Variants in WDR17 observed in about 807,000 individuals in gnomAD.
WDR17 encodes WD repeat-containing protein 17.
A neutral mutation model predicts 161.7 loss-of-function variants in WDR17; 143 were observed. The ratio of observed to expected loss-of-function variants is 0.88; its 90% CI spans 0.77 to 1.02. The LOEUF (loss-of-function observed/expected upper bound fraction) is 1.02. WDR17 is among the 50% of genes least tolerant of loss of function. The pLI is 0.00. For synonymous variants in WDR17, 517 were observed against 515.6 expected, an observed-to-expected ratio of 1.00 and a Z score of -0.04; for missense variants, 1,469 against 1,520.9, an observed-to-expected ratio of 0.97 and a Z score of 0.57.
rs1411180294 is a variant in WDR17, at chr4:176,151,664, T to C, written c.2305-148T>C. The stretch of plus-strand genomic sequence containing the variant: ...GAAATCAGGGTAATTGGGGTATCCA[T>C]CACCTCAAGCATTTATCTTTTTTTG... On this transcript the variant is annotated intron_variant, in intron 16 of 28. Coordinates refer to ENST00000508596, the MANE Select transcript of WDR17 (RefSeq NM_181265.4). 3 of 662,232 alleles carry C rather than the reference T, an allele frequency of 4.5e-6. No homozygotes were observed. The Admixed American group carries it at 1.1e-4, about 23-fold the overall frequency. The allele number at this position is 662,232 out of a possible 1,614,324, so 41.0% of individuals were successfully genotyped here.
chr4:176,084,527 G>C (rs1561075863), intron 1 of WDR17, among the ~76,000 whole-genome samples: 2 of 151,808 alleles, frequency 1.3e-5, no homozygotes, highest in African/African-American at 4.8e-5. Flanking sequence ...GTTTGAGGGA[G>C]GACAAACATC....
At chr4:176,120,285 G>GTT (rs1206814391) in intron 4 of WDR17, among the ~76,000 whole-genome samples, 188 bp downstream of exon 4, 2 of 87,044 alleles carry the variant, frequency 2.3e-5, no homozygotes, top group Non-Finnish European at 4.4e-5. Flanking sequence ...TTCATTTGAA[G>GTT]TTTTATATAT....
At chr4:176,113,292 T>C (rs1186471473) in intron 2 of WDR17, among the ~76,000 whole-genome samples, 2 of 152,078 alleles carry the variant, frequency 1.3e-5, no homozygotes, top group Admixed American at 1.3e-4. Flanking sequence ...AGTCAAACTA[T>C]TCTTCTGAGG....
chr4:176,091,125 G>A (rs1736067468), intron 1 of WDR17, among the ~76,000 whole-genome samples: 1 of 152,196 alleles, frequency 6.6e-6, no homozygotes. Context: ...TTTATGGCCA[G>A]ATTTGGGTGC....
intron 1 of WDR17, among the ~76,000 whole-genome samples, chr4:176,090,400 G>A (rs1003834514): frequency 3.9e-5 from 6 of 151,938 alleles, no homozygotes; most frequent in Admixed American, 3.9e-4. Flanking sequence ...GCAAATTCTG[G>A]TGTCATGCTT....
intron 22 of WDR17, chr4:176,166,295 C>T (rs1017867587): frequency 3.4e-6 from 1 of 297,638 alleles, no homozygotes; most frequent in Middle Eastern, 1.0e-3. Context: ...ATTTATAGCA[C>T]ATGAAACCTG....
intron 1 of WDR17, among the ~76,000 whole-genome samples, chr4:176,109,406 G>A (rs545698535): frequency 4.6e-5 from 7 of 152,200 alleles, no homozygotes; most frequent in Non-Finnish European, 1.0e-4. Flanking sequence ...AGACGAGGAG[G>A]AAAGTTTCTG....
chr4:176,157,101 T>C (rs1463529684), intron 18 of WDR17, among the ~76,000 whole-genome samples: 1 of 152,226 alleles, frequency 6.6e-6, no homozygotes, highest in African/African-American at 2.4e-5. Flanking sequence ...CATATTGTTT[T>C]GAGGGACACA....
intron 22 of WDR17, chr4:176,166,169 C>T: frequency 1.2e-6 from 1 of 862,308 alleles, no homozygotes; most frequent in Non-Finnish European, 1.7e-6. Context: ...TATTTAAGAA[C>T]ACATTCCTTT....
At chr4:176,106,966 GA>G (rs960815660) in intron 1 of WDR17, among the ~76,000 whole-genome samples, 34 of 151,846 alleles carry the variant, frequency 2.2e-4, no homozygotes, top group Non-Finnish European at 4.1e-4. Flanking sequence ...AAGAAGGAAA[GA>G]AAAACCCTAT....
In WDR17 at chr4:176,182,133, G is replaced by T. The variant is rs1465316155; in HGVS notation, c.*2554G>T. On this transcript the variant is annotated 3_prime_UTR_variant, in exon 29 of 29. Coordinates refer to ENST00000508596, the MANE Select transcript of WDR17 (RefSeq NM_181265.4). This position sits in a 1 kb window ranked among gnomAD's most constrained non-coding sequence, Gnocchi z 4.2. ...TGAATTTATTTTACTATTTGAAAAT[G>T]TTCATATTACCAATAATGTGGACAA... is the stretch of plus-strand genomic sequence containing the variant. 2 of 151,910 alleles carry T rather than the reference G, an allele frequency of 1.3e-5. No homozygotes were observed. Among genetic ancestry groups the T allele is most frequent in the Non-Finnish European group, 2.9e-5 (2 of 67,908 alleles). 9.4% of individuals were successfully genotyped at this position (151,910 alleles called of 1,614,324 possible).
At chr4:176,079,138 G>A (rs1165184840) in intron 1 of WDR17, among the ~76,000 whole-genome samples, 1 of 152,022 alleles carries the variant, frequency 6.6e-6, no homozygotes, top group African/African-American at 2.4e-5. Flanking sequence ...TTACCTTTCT[G>A]TTCTTGGCTT....
chr4:176,173,020 A>C (rs1750962185), intron 24 of WDR17, among the ~76,000 whole-genome samples: 1 of 152,192 alleles, frequency 6.6e-6, no homozygotes, highest in Non-Finnish European at 1.5e-5. Context: ...TCAATGATCA[A>C]CTTAAAATCA....
At chr4:176,100,129 C>G (rs1403259906) in intron 1 of WDR17, among the ~76,000 whole-genome samples, 1 of 152,070 alleles carries the variant, frequency 6.6e-6, no homozygotes, top group African/African-American at 2.4e-5. Flanking sequence ...CATATAATAG[C>G]TCTAATTTTA....
chr4:176,179,386 C>T lies in WDR17; in HGVS notation c.3733-74C>T, dbSNP rs563150581. The T allele has an allele frequency of 2.3e-6, 3 of 1,325,176 alleles. No homozygotes were observed. The South Asian group carries it at 7.0e-5, about 31-fold the overall frequency. 82.1% of individuals were successfully genotyped at this position (1,325,176 alleles called of 1,614,324 possible). A position where few individuals can be genotyped will look rare whatever the true frequency, so the allele number is the denominator to read the frequency against. ...TATGTTTTTTTTTATTGCAGTGATT[C>T]TCTTTCTGAAAGTTTAAAAATACTT... On this transcript the variant is annotated intron_variant, in intron 28 of 28. Transcript: ENST00000508596.
Position 176,179,869 on chromosome 4 carries a change from C to T in WDR17, c.*290C>T, listed in dbSNP as rs80255541. On this transcript the variant is annotated 3_prime_UTR_variant, in exon 29 of 29. Coordinates refer to ENST00000508596, the MANE Select transcript of WDR17 (RefSeq NM_181265.4). ...ATCTAAAAAGCATATAAAAGTTTCA[C>T]ACAGCATAAAAGATACCAAAATATC... 1,773 of 161,702 alleles carry T rather than the reference C, an allele frequency of 0.011. 17 individuals carry two copies. The highest frequency in any genetic ancestry group is 0.017 in the Non-Finnish European group (1,301 of 74,944). The allele number at this position is 161,702 out of a possible 1,614,324, so 10.0% of individuals were successfully genotyped here.
In WDR17 at chr4:176,105,507, A is replaced by G. The variant is rs143869283; in HGVS notation, c.-6-6068A>G. On this transcript the variant is annotated intron_variant, in intron 1 of 28. Coordinates refer to ENST00000508596, the MANE Select transcript of WDR17 (RefSeq NM_181265.4). ...CAATAGATTTTAAAAAGTAGTTATC[A>G]TACATTATGTCTTCTCTGAACACTG... Among the ~76,000 whole-genome samples, 529 of 152,026 alleles carry G rather than the reference A, an allele frequency of 3.5e-3. 3 individuals carry two copies. Among genetic ancestry groups the G allele is most frequent in the African/African-American group, 0.012 (515 of 41,342 alleles).
intron 22 of WDR17, among the ~76,000 whole-genome samples, chr4:176,167,644 C>CAAAAAAAAAAAAAAA (rs34187946): frequency 8.4e-5 from 2 of 23,832 alleles, no homozygotes; most frequent in African/African-American, 1.6e-4. Context: ...GACTCCGTCT[C>CAAAAAAAAAAAAAAA]AAAAAAAAAA....
At chr4:176,179,334 AT>A in intron 28 of WDR17, 125 bp from the exon 29 acceptor site, 3 of 1,125,842 alleles carry the variant, frequency 2.7e-6, no homozygotes, top group East Asian at 2.9e-5. Flanking sequence ...CATAGTCTTC[AT>A]TTTTTTATTA....
Sources: gnomAD v4.1 joint callset for allele counts (sites outside exome capture counted in the v4.1 genomes callset) on GRCh38, gnomAD v4.1.1 for gene constraint, Gnocchi (gnomAD v3.1) non-coding constraint, MANE v1.5 for transcripts, NCBI Gene and HGNC (gene_info 2026-07-23, HGNC 2026-07-21) for gene names.